Variants in PALM2AKAP2 observed in about 807,000 individuals in gnomAD.
PALM2AKAP2 encodes PALM2 and AKAP2 fusion, also known as PALM2-AKAP2 fusion protein.
A neutral mutation model predicts 71.5 loss-of-function variants in PALM2AKAP2; 37 were observed. The observed-to-expected ratio is 0.52, with a 90% confidence interval of 0.40 to 0.68. PALM2AKAP2 has a LOEUF of 0.68. Among genes scored for constraint, PALM2AKAP2 ranks in the 30% least tolerant of loss-of-function variants. The pLI is 0.00. For synonymous variants in PALM2AKAP2, 468 were observed against 478.8 expected (o/e 0.98, Z 0.29); for missense variants, 1,224 against 1,191.8 (o/e 1.03, Z -0.40).
intron 1 of PALM2AKAP2, among the ~76,000 whole-genome samples, chr9:110,117,973 T>G (rs1029266902): frequency 2.9e-5 from 4 of 138,502 alleles, no homozygotes; most frequent in African/African-American, 5.4e-5. Flanking sequence ...ATATGTCGTT[T>G]TGTGTGTGTG....
intron 6 of PALM2AKAP2, among the ~76,000 whole-genome samples, chr9:109,938,274 C>T (rs974725342): frequency 6.6e-6 from 1 of 152,130 alleles, no homozygotes; most frequent in Non-Finnish European, 1.5e-5. Flanking sequence ...TCTAAAAGGC[C>T]TAGATAACAT....
In PALM2AKAP2 at chr9:109,667,917, T is replaced by C. The variant is rs1171721971; in HGVS notation, c.5+27051T>C. Among the ~76,000 whole-genome samples, 2 of 141,254 alleles carry C rather than the reference T, an allele frequency of 1.4e-5. 1 individual carries two copies. The highest frequency in any genetic ancestry group is 3.0e-5 in the Non-Finnish European group (2 of 65,880). 92.7% of individuals were successfully genotyped at this position (141,254 alleles called of 152,430 possible). On this transcript the variant is annotated intron_variant, in intron 1 of 6. Coordinates refer to the PALM2AKAP2 transcript ENST00000374531. ...GAATTATTGGGAATACCTTTGAAAA[T>C]GATGGCTTTGGTTTTTTTTTTTTTT...
In PALM2AKAP2 at chr9:109,827,386, C is replaced by T. The variant is rs766070913; in HGVS notation, c.46-40105C>T. On this transcript the variant is annotated intron_variant, in intron 1 of 9. Transcript: ENST00000302798. ...ATCCCAGCACTTTGGGAGGCCAAGG[C>T]GGGTGGATTACAAGGAGTTTGAGAG... Among the ~76,000 whole-genome samples the T allele has an allele frequency of 1.3e-4, 20 of 152,180 alleles. No homozygotes were observed. In the East Asian group the frequency reaches 1.7e-3, roughly 13 times the overall value.
At chr9:109,789,008 C>T (rs1233545828) in intron 1 of PALM2AKAP2, among the ~76,000 whole-genome samples, 7 of 152,278 alleles carry the variant, frequency 4.6e-5, no homozygotes, top group African/African-American at 1.7e-4. Context: ...TTGCTTTAAT[C>T]TATTTAAATA....
chr9:109,962,737 G>A (rs1294383887), intron 6 of PALM2AKAP2, among the ~76,000 whole-genome samples: 1 of 151,872 alleles, frequency 6.6e-6, no homozygotes, highest in Non-Finnish European at 1.5e-5. Flanking sequence ...CCGCCTCCCG[G>A]GTTCAAGCGA....
intron 3 of PALM2AKAP2, among the ~76,000 whole-genome samples, chr9:109,916,371 C>A (rs1308708234): frequency 6.6e-6 from 1 of 152,172 alleles, no homozygotes; most frequent in Non-Finnish European, 1.5e-5. Context: ...CCTTGAAGGC[C>A]AGGTATTTGA....
chr9:109,968,169 C>T (rs547301195), intron 6 of PALM2AKAP2, among the ~76,000 whole-genome samples: 2 of 152,328 alleles, frequency 1.3e-5, no homozygotes, highest in South Asian at 2.1e-4. Flanking sequence ...CAGAACAGTC[C>T]TCTCTGGCAC....
At chr9:110,166,573 G>A (rs72757012) in intron 3 of PALM2AKAP2, among the ~76,000 whole-genome samples, 21,236 of 152,172 alleles carry the variant, frequency 0.14, 1,896 homozygotes, top group Non-Finnish European at 0.2. Context: ...TTTGTTATTC[G>A]TAGATATCTG....
At chr9:110,128,161 G>A (rs926873932) in intron 1 of PALM2AKAP2, 8 of 152,322 alleles carry the variant, frequency 5.3e-5, no homozygotes, top group African/African-American at 1.9e-4. Flanking sequence ...CATCTTTTAG[G>A]TTTCTGGGCA....
intron 6 of PALM2AKAP2, among the ~76,000 whole-genome samples, chr9:109,937,197 C>A (rs940998500): frequency 1.3e-5 from 2 of 152,156 alleles, no homozygotes; most frequent in African/African-American, 4.8e-5. Flanking sequence ...AGACCCATCT[C>A]TCTGGGCCCT....
chr9:109,642,502 T>A (rs1827085316), intron 1 of PALM2AKAP2, among the ~76,000 whole-genome samples: 1 of 147,398 alleles, frequency 6.8e-6, no homozygotes, highest in Non-Finnish European at 1.5e-5. Context: ...CGCAAATTAC[T>A]GTTGCACCAA....
intron 7 of PALM2AKAP2, among the ~76,000 whole-genome samples, chr9:110,027,415 C>G (rs147802330): frequency 2.6e-5 from 4 of 152,290 alleles, no homozygotes; most frequent in African/African-American, 9.6e-5. Flanking sequence ...ATCTTGCCCT[C>G]TTGTCCATAT....
chr9:110,035,508 GTT>G (rs1393963669), intron 7 of PALM2AKAP2, among the ~76,000 whole-genome samples: 1 of 143,010 alleles, frequency 7.0e-6, no homozygotes, highest in Non-Finnish European at 1.5e-5. Flanking sequence ...TATATGATAT[GTT>G]GTGTGTTATA....
chr9:109,907,976 C>T (rs574547015), intron 3 of PALM2AKAP2, among the ~76,000 whole-genome samples: 3 of 152,278 alleles, frequency 2.0e-5, no homozygotes, highest in South Asian at 4.1e-4. Context: ...GTCCATGGCT[C>T]AAAGGTCAGA....
intron 6 of PALM2AKAP2, among the ~76,000 whole-genome samples, chr9:109,936,689 C>T (rs76727910): frequency 0.051 from 7,730 of 152,220 alleles, 413 homozygotes; most frequent in East Asian, 0.26. Context: ...TCGTGAACCA[C>T]GCAGGGTGTT....
chr9:110,074,592 C>T (rs1263052099), intron 1 of PALM2AKAP2, among the ~76,000 whole-genome samples: 2 of 152,110 alleles, frequency 1.3e-5, no homozygotes, highest in South Asian at 2.1e-4. Flanking sequence ...TTAGGAATAA[C>T]GAGGCATTAT....
chr9:110,082,879 C>T (rs976225520), intron 1 of PALM2AKAP2, among the ~76,000 whole-genome samples: 1 of 152,176 alleles, frequency 6.6e-6, no homozygotes, highest in Non-Finnish European at 1.5e-5. Flanking sequence ...TGGTGACTCA[C>T]GCCTGTAATC....
At chr9:109,977,330 C>T (rs1333148717) in intron 6 of PALM2AKAP2, among the ~76,000 whole-genome samples, 1 of 152,154 alleles carries the variant, frequency 6.6e-6, no homozygotes, top group Non-Finnish European at 1.5e-5. Context: ...TCCAGTTGTC[C>T]TTTTCTCTGA....
chr9:109,837,398 G>C (rs1359172747), intron 1 of PALM2AKAP2, among the ~76,000 whole-genome samples: 4 of 152,100 alleles, frequency 2.6e-5, no homozygotes, highest in African/African-American at 2.4e-5. Context: ...TGGAAAGGAA[G>C]AACCAGTACC....
Sources: allele counts gnomAD v4.1 joint callset (sites outside exome capture counted in the v4.1 genomes callset), GRCh38; gene constraint gnomAD v4.1.1; transcripts MANE v1.5; gene names NCBI Gene and HGNC (gene_info 2026-07-23, HGNC 2026-07-21).